EDA: variants seen among roughly 807,000 people sequenced by gnomAD.
The protein encoded by EDA is ectodysplasin-A.
Under a neutral mutation model 23.6 loss-of-function variants are expected in EDA, and 2 were observed. That is an observed-to-expected ratio of 0.08 (90% CI 0.03 to 0.27). The LOEUF is 0.27. Among genes scored for constraint, EDA ranks in the 10% least tolerant of loss-of-function variants. The pLI is 1.00. For missense variants in EDA, 229 were observed against 324.2 expected (o/e 0.71, Z 2.26); for synonymous variants, 131 against 132.0 (o/e 0.99, Z 0.05).
At chrX:69,920,778 AT>A (rs1275699624) in intron 1 of EDA, among the ~76,000 whole-genome samples, 4 of 111,584 alleles carry the variant, frequency 3.6e-5, no homozygotes, top group Non-Finnish European at 5.7e-5. Flanking sequence ...TGTTTGTCAG[AT>A]TTCTCCACTG....
At chrX:69,696,091 T>C (rs2011331301) in intron 1 of EDA, among the ~76,000 whole-genome samples, 1 of 110,137 alleles carries the variant, frequency 9.1e-6, no homozygotes, top group South Asian at 4.0e-4. Flanking sequence ...AATACAAAAT[T>C]AGCTGGGCGT....
chrX:69,838,178 AG>A (rs1306171298), intron 1 of EDA, among the ~76,000 whole-genome samples: 8 of 112,755 alleles, frequency 7.1e-5, no homozygotes, highest in Non-Finnish European at 1.3e-4. Context: ...ACTGTAGTAG[AG>A]GATCCTGCCT....
chrX:69,645,604 A>ATATATATATGTGTGTG (rs1569281319), intron 1 of EDA, among the ~76,000 whole-genome samples: 2 of 38,559 alleles, frequency 5.2e-5, no homozygotes, highest in African/African-American at 1.6e-4. Context: ...GTGTGTGTGT[A>ATATATATATGTGTGTG]TATATATATA....
At chrX:69,618,669 G>A (rs1602224547) in intron 1 of EDA, among the ~76,000 whole-genome samples, 1 of 111,300 alleles carries the variant, frequency 9.0e-6, no homozygotes, top group South Asian at 3.9e-4. Context: ...GACCTTTTGC[G>A]AGGGAGCAAG....
chrX:69,851,595 C>A (rs1602481822), intron 1 of EDA, among the ~76,000 whole-genome samples: 1 of 112,333 alleles, frequency 8.9e-6, no homozygotes, highest in East Asian at 2.8e-4. Context: ...AGAGAAAAAT[C>A]CTCAGTAGAT....
At chrX:69,957,162 T>C (rs1343104272) in intron 2 of EDA, 30 bp downstream of exon 2, 1 of 1,141,153 alleles carries the variant, frequency 8.8e-7, no homozygotes, top group Admixed American at 2.2e-5. Flanking sequence ...CCTTTATCAC[T>C]TCTGAATTAT....
chrX:69,863,304 AC>A lies in EDA; in HGVS notation c.397-93722del, dbSNP rs1471951137. Among the ~76,000 whole-genome samples, 5 of 109,693 alleles carry A rather than the reference AC, an allele frequency of 4.6e-5. No homozygotes were observed. The East Asian group carries it at 1.4e-3, about 32-fold the overall frequency. On this transcript the variant is annotated intron_variant, in intron 1 of 7. Transcript: ENST00000374552. Reference sequence around the variant, plus strand: ...ACCCTACCATATGGTCTACCCATTGACAAGCTCCAATCATGTGCACACAACT... The same window carrying A: ...ACCCTACCATATGGTCTACCCATTGAAAGCTCCAATCATGTGCACACAACT...
At chrX:69,777,142 GTTT>G (rs1176133311) in intron 1 of EDA, among the ~76,000 whole-genome samples, 19 of 47,113 alleles carry the variant, frequency 4.0e-4, no homozygotes, top group South Asian at 7.9e-4. Context: ...TTGATTCTGG[GTTT>G]TGTTGTTGTT....
At chrX:69,858,891 T>A (rs1005531909) in intron 1 of EDA, among the ~76,000 whole-genome samples, 2 of 111,695 alleles carry the variant, frequency 1.8e-5, no homozygotes, top group African/African-American at 3.3e-5. Flanking sequence ...GGCTATTTAT[T>A]ACTGCCTCAC....
chrX:69,832,108 T>A (rs1361644410), intron 1 of EDA, among the ~76,000 whole-genome samples: 1 of 111,887 alleles, frequency 8.9e-6, no homozygotes, highest in Non-Finnish European at 1.9e-5. Flanking sequence ...ATGGAGTCCT[T>A]GCCAATGCCT....
intron 1 of EDA, among the ~76,000 whole-genome samples, chrX:69,808,944 C>T (rs979592035): frequency 7.9e-4 from 88 of 111,524 alleles, no homozygotes; most frequent in Non-Finnish European, 3.4e-4. Flanking sequence ...ATATTGGGCT[C>T]ATCAAGAAGG....
intron 1 of EDA, among the ~76,000 whole-genome samples, chrX:69,788,449 G>A (rs1266164192): frequency 8.9e-6 from 1 of 111,873 alleles, no homozygotes; most frequent in Non-Finnish European, 1.9e-5. Context: ...TTTGATGATG[G>A]TGATGTACAG....
At chrX:69,679,528 A>G (rs796983880) in intron 1 of EDA, among the ~76,000 whole-genome samples, 3 of 111,261 alleles carry the variant, frequency 2.7e-5, no homozygotes, top group South Asian at 7.4e-4. Flanking sequence ...GAGATTCAAC[A>G]TCTTCCTTGT....
chrX:69,686,554 A>G (rs1290767598), intron 1 of EDA, among the ~76,000 whole-genome samples: 1 of 111,300 alleles, frequency 9.0e-6, no homozygotes, highest in Non-Finnish European at 1.9e-5. Context: ...ACAAAAGGAA[A>G]CCCTGTACCT....
At chrX:69,754,430 A>G (rs2014022803) in intron 1 of EDA, among the ~76,000 whole-genome samples, 1 of 112,044 alleles carries the variant, frequency 8.9e-6, no homozygotes, top group Non-Finnish European at 1.9e-5. Flanking sequence ...CTGCCGAGAG[A>G]TCAGCTTTTA....
intron 1 of EDA, among the ~76,000 whole-genome samples, chrX:69,621,758 T>A (rs139100378): frequency 0.018 from 1,974 of 111,183 alleles, 26 homozygotes; most frequent in South Asian, 0.028. Context: ...TTTGTGTGTG[T>A]GAGACAGAGT....
intron 1 of EDA, among the ~76,000 whole-genome samples, chrX:69,857,948 T>G (rs2017296010): frequency 8.9e-6 from 1 of 112,165 alleles, no homozygotes; most frequent in Admixed American, 9.5e-5. Flanking sequence ...ATCTTTCACC[T>G]CCTTGGTTAG....
At chrX:69,924,714 A>G (rs1440742099) in intron 1 of EDA, among the ~76,000 whole-genome samples, 2 of 112,229 alleles carry the variant, frequency 1.8e-5, no homozygotes, top group East Asian at 2.8e-4. Flanking sequence ...TGGAAATAAC[A>G]TTGAATCTAT....
intron 1 of EDA, chrX:69,937,606 C>T: frequency 8.8e-7 from 1 of 1,135,309 alleles, no homozygotes; most frequent in South Asian, 1.8e-5. Context: ...ATAAGAAGTT[C>T]TGCAAAGTAC....
Sources: gnomAD v4.1 joint callset for allele counts (sites outside exome capture counted in the v4.1 genomes callset) on GRCh38, gnomAD v4.1.1 for gene constraint, MANE v1.5 for transcripts, NCBI Gene and HGNC (gene_info 2026-07-23, HGNC 2026-07-21) for gene names.